The following CNTNAP2 variants were observed in gnomAD, a reference collection of about 807,000 sequenced individuals.
The protein encoded by CNTNAP2 is contactin associated protein 2.
In CNTNAP2, 98 loss-of-function variants were observed where a neutral mutation model predicts 155.2. That is an observed-to-expected ratio of 0.63 (90% CI 0.54 to 0.75). The LOEUF is 0.75. Ranked by LOEUF, CNTNAP2 falls within the 30% of genes least tolerant of loss-of-function variation. The pLI is 0.00. For synonymous variants in CNTNAP2, 651 were observed against 631.2 expected, an observed-to-expected ratio of 1.03 and a Z score of -0.47; for missense variants, 1,727 against 1,688.1, an observed-to-expected ratio of 1.02 and a Z score of -0.40.
chr7:147,494,127 G>C (rs1321628670), intron 11 of CNTNAP2, among the ~76,000 whole-genome samples: 6 of 152,128 alleles, frequency 3.9e-5, no homozygotes, highest in African/African-American at 1.4e-4. Context: ...AATCATCCCA[G>C]CAGCTCCTTT....
intron 19 of CNTNAP2, among the ~76,000 whole-genome samples, chr7:148,219,184 C>T (rs971661105): frequency 1.1e-4 from 16 of 152,108 alleles, no homozygotes; most frequent in African/African-American, 3.9e-4. Flanking sequence ...TCGTGATCCA[C>T]CTGCCTTGGC....
intron 14 of CNTNAP2, among the ~76,000 whole-genome samples, chr7:147,924,143 C>CTTTTCTTTTTTT (rs1554450278): frequency 2.3e-4 from 28 of 123,484 alleles, no homozygotes; most frequent in Admixed American, 4.3e-4. Context: ...CTTTTCTTTT[C>CTTTTCTTTTTTT]TTTTTTTTTT....
At chr7:146,486,431 G>A (rs1797060356) in intron 1 of CNTNAP2, among the ~76,000 whole-genome samples, 1 of 152,008 alleles carries the variant, frequency 6.6e-6, no homozygotes, top group Non-Finnish European at 1.5e-5. Context: ...ATCATGCTAG[G>A]GTTGTTTTAA....
intron 13 of CNTNAP2, among the ~76,000 whole-genome samples, chr7:147,649,160 T>G (rs1795412575): frequency 1.3e-5 from 2 of 152,166 alleles, no homozygotes; most frequent in African/African-American, 4.8e-5. Context: ...GCCTTTCAAG[T>G]GGCAGACTTG....
intron 4 of CNTNAP2, among the ~76,000 whole-genome samples, chr7:147,093,309 T>A (rs1669554181): frequency 6.6e-6 from 1 of 151,816 alleles, no homozygotes; most frequent in African/African-American, 2.4e-5. Context: ...AGCATTATAC[T>A]TATTTTTGAA....
Position 146,410,691 on chromosome 7 carries a change from C to A in CNTNAP2, c.97+293718C>A, listed in dbSNP as rs111267262. ...AGACTTGAGTGTGTGTTGGACCCTT[C>A]TATGTGCCCATGTATTCTCATAAGA... On this transcript the variant is annotated intron_variant, in intron 1 of 23. Coordinates refer to ENST00000361727, the MANE Select transcript of CNTNAP2 (RefSeq NM_014141.6). Among the ~76,000 whole-genome samples the A allele has an allele frequency of 3.3e-3, 499 of 152,276 alleles. 2 individuals carry two copies. Among genetic ancestry groups the A allele is most frequent in the South Asian group, 7.9e-3 (38 of 4,822 alleles).
At chr7:147,695,372 G>A (rs1563055918) in intron 13 of CNTNAP2, among the ~76,000 whole-genome samples, 1 of 152,158 alleles carries the variant, frequency 6.6e-6, no homozygotes, top group South Asian at 2.1e-4. Context: ...GTGTTTTTGA[G>A]TTCAGCTATG....
chr7:146,768,447 C>T (rs1164811639), intron 1 of CNTNAP2, among the ~76,000 whole-genome samples: 1 of 151,632 alleles, frequency 6.6e-6, no homozygotes, highest in Non-Finnish European at 1.5e-5. Context: ...TTAGTTATTG[C>T]ATTAACTAAT....
intron 9 of CNTNAP2, among the ~76,000 whole-genome samples, chr7:147,303,827 A>C (rs1428900899): frequency 6.6e-6 from 1 of 152,202 alleles, no homozygotes; most frequent in Non-Finnish European, 1.5e-5. Flanking sequence ...TTAACTCTGT[A>C]AGAGACAGCC....
chr7:147,670,032 T>C (rs1336904656), intron 13 of CNTNAP2, among the ~76,000 whole-genome samples: 1 of 152,194 alleles, frequency 6.6e-6, no homozygotes, highest in Non-Finnish European at 1.5e-5. Context: ...ACTGGTCTCA[T>C]ATTCTATTTT....
At chr7:147,642,398 A>C (rs1795293598) in intron 13 of CNTNAP2, among the ~76,000 whole-genome samples, 1 of 152,182 alleles carries the variant, frequency 6.6e-6, no homozygotes, top group East Asian at 1.9e-4. Flanking sequence ...TACCAGGAGA[A>C]TTAGACTAGA....
At position 146,378,163 on chromosome 7, in the gene CNTNAP2, C is replaced by T. The variant is rs142781925; in HGVS notation, c.97+261190C>T. Among the ~76,000 whole-genome samples the T allele has an allele frequency of 4.9e-3, 749 of 152,124 alleles. 6 individuals carry two copies. Among genetic ancestry groups the T allele is most frequent in the African/African-American group, 0.017 (708 of 41,508 alleles). The stretch of plus-strand genomic sequence containing the variant: ...ATATTTATAACAATGTTATGGAGGG[C>T]AATACAGGAAATAATAACAGGTGAA... On this transcript the variant is annotated intron_variant, in intron 1 of 23. Coordinates refer to ENST00000361727, the MANE Select transcript of CNTNAP2 (RefSeq NM_014141.6).
intron 2 of CNTNAP2, among the ~76,000 whole-genome samples, chr7:146,831,669 C>CAAAAAAA (rs531970313): frequency 3.0e-4 from 5 of 16,818 alleles, no homozygotes; most frequent in African/African-American, 7.0e-4. Flanking sequence ...AGCAAGACGC[C>CAAAAAAA]AAAAAAAAAA....
chr7:147,352,891 A>C (rs997369819), intron 9 of CNTNAP2, among the ~76,000 whole-genome samples: 3 of 151,896 alleles, frequency 2.0e-5, no homozygotes, highest in Admixed American at 2.0e-4. Flanking sequence ...ATAGATGAAA[A>C]TATTAGTTTA....
intron 1 of CNTNAP2, among the ~76,000 whole-genome samples, chr7:146,625,532 T>C (rs954349025): frequency 6.6e-5 from 10 of 152,012 alleles, no homozygotes; most frequent in African/African-American, 2.2e-4. Context: ...AAACTAGTAT[T>C]TGTCTGTGAG....
intron 1 of CNTNAP2, among the ~76,000 whole-genome samples, chr7:146,295,942 A>G (rs2129087432): frequency 6.6e-6 from 1 of 152,184 alleles, no homozygotes; most frequent in South Asian, 2.1e-4. Flanking sequence ...GACAGAGCAA[A>G]GTGAAGCTGT....
chr7:147,492,720 A>T (rs374563108), intron 11 of CNTNAP2, among the ~76,000 whole-genome samples: 3 of 152,158 alleles, frequency 2.0e-5, no homozygotes, highest in African/African-American at 7.2e-5. Flanking sequence ...TGTTTCCTCA[A>T]ACACGCTTGC....
At chr7:146,303,742 T>A (rs1800656431) in intron 1 of CNTNAP2, among the ~76,000 whole-genome samples, 1 of 152,138 alleles carries the variant, frequency 6.6e-6, no homozygotes, top group African/African-American at 2.4e-5. Context: ...GAATGTATAA[T>A]CTTGATTTGG....
At chr7:146,932,019 C>T (rs1796771815) in intron 3 of CNTNAP2, among the ~76,000 whole-genome samples, 1 of 150,406 alleles carries the variant, frequency 6.6e-6, no homozygotes, top group South Asian at 2.1e-4. Context: ...CAAGGAGGAA[C>T]TGGTACCATT....
Sources: allele counts gnomAD v4.1 joint callset (sites outside exome capture counted in the v4.1 genomes callset), GRCh38; gene constraint gnomAD v4.1.1; transcripts MANE v1.5; gene names NCBI Gene and HGNC (gene_info 2026-07-23, HGNC 2026-07-21).